Variants in ADGRD1 observed in about 807,000 individuals in gnomAD.
The protein encoded by ADGRD1 is adhesion G protein-coupled receptor D1.
ADGRD1 carries 77 observed loss-of-function variants against 113.4 expected under a neutral mutation model. That is an observed-to-expected ratio of 0.68 (90% CI 0.57 to 0.82). The LOEUF (loss-of-function observed/expected upper bound fraction) is 0.82. ADGRD1 is among the 40% of genes least tolerant of loss of function. The probability of loss-of-function intolerance (pLI) is 0.00; values close to 1 mark genes in which losing one functional copy is unlikely to be tolerated. For missense variants in ADGRD1, 1,036 were observed against 1,139.1 expected (o/e 0.91, Z 1.30); for synonymous variants, 474 against 475.0 (o/e 1.00, Z 0.03).
chr12:130,978,942 T>C (rs1023397502), intron 4 of ADGRD1: 2 of 152,140 alleles, frequency 1.3e-5, no homozygotes, highest in Non-Finnish European at 2.9e-5. Context: ...CTTGGGGGTT[T>C]GTCCTGGCTT....
intron 20 of ADGRD1, among the ~76,000 whole-genome samples, chr12:131,130,737 G>A (rs112521577): frequency 6.6e-6 from 1 of 150,696 alleles, no homozygotes; most frequent in Non-Finnish European, 1.5e-5. Context: ...GGAAGAGCGA[G>A]GCCGGCCCAT....
intron 20 of ADGRD1, among the ~76,000 whole-genome samples, chr12:131,131,132 G>A (rs975695437): frequency 6.6e-6 from 1 of 152,158 alleles, no homozygotes; most frequent in African/African-American, 2.4e-5. Context: ...AGGTTGTGCT[G>A]AAGCCTCTGC....
chr12:131,088,358 C>A lies in ADGRD1; in HGVS notation c.1671+3695C>A, dbSNP rs565455756. On this transcript the variant is annotated intron_variant, in intron 15 of 24. Coordinates refer to ENST00000261654, the MANE Select transcript of ADGRD1 (RefSeq NM_198827.5). ...CACAGAGACACAGCAAGTCAGTGCA[C>A]GCCACGTCCTGCCCCGTAAGGGCCA... Among the ~76,000 whole-genome samples, 4 of 152,340 alleles carry A rather than the reference C, an allele frequency of 2.6e-5. No homozygotes were observed. In the South Asian group the frequency reaches 8.3e-4, roughly 32 times the overall value.
Position 131,118,400 on chromosome 12 carries a change from T to G in ADGRD1, c.2057T>G (p.Ile686Ser). Reference protein sequence around the residue: ...YGMGWGFPLLICIISLSFAMD... With the variant: ...YGMGWGFPLLSCIISLSFAMD... ...TCTTCTGCAGGTTTTCCTCTTCTGA[T>G]CTGCATCATTTCACTGTCATTTGCC... Residue 686 changes from isoleucine to serine, a missense_variant, in exon 19 of 25, where the codon ATC becomes AGC. Ile to Ser is a moderately radical substitution (Grantham distance 142). Coordinates refer to ENST00000261654, the MANE Select transcript of ADGRD1 (RefSeq NM_198827.5). The G allele has an allele frequency of 6.2e-7, 1 of 1,611,852 alleles. No homozygotes were observed. The highest frequency in any genetic ancestry group is 1.1e-5 in the South Asian group (1 of 90,576).
At chr12:131,137,098 C>G (rs377420352) in intron 23 of ADGRD1, 84 bp downstream of exon 23, 2 of 1,100,996 alleles carry the variant, frequency 1.8e-6, no homozygotes, top group Admixed American at 1.7e-5. Flanking sequence ...ACAGCGCTGC[C>G]CTGTCAGGGT....
At chr12:131,080,899 C>T (rs1022691981) in intron 14 of ADGRD1, among the ~76,000 whole-genome samples, 6 of 152,180 alleles carry the variant, frequency 3.9e-5, no homozygotes, top group Non-Finnish European at 8.8e-5. Flanking sequence ...GGATTACAGG[C>T]GTGAGCCACT....
In ADGRD1 at chr12:131,113,542, G is replaced by A. The variant is rs1238791879; in HGVS notation, c.2041+4665G>A. On this transcript the variant is annotated intron_variant, in intron 18 of 24. Transcript: ENST00000261654. This position sits in a 1 kb window ranked among gnomAD's most constrained non-coding sequence, Gnocchi z 4.9. The stretch of plus-strand genomic sequence containing the variant: ...CACAGTCTTTGTTATGCAAGTAGCA[G>A]GTAAACAGGCTTACTTTGTGCTTTG... 6.6e-6 allele frequency among the ~76,000 whole-genome samples: 1 copy of A among 152,174 alleles called. No homozygotes were observed. Among genetic ancestry groups the A allele is most frequent in the Non-Finnish European group, 1.5e-5 (1 of 68,036 alleles).
chr12:131,132,035 G>A (rs1453247994), intron 21 of ADGRD1, among the ~76,000 whole-genome samples: 1 of 152,190 alleles, frequency 6.6e-6, no homozygotes, highest in Non-Finnish European at 1.5e-5. Flanking sequence ...GAGCTCCCAT[G>A]TGTAGAAGAA....
chr12:131,004,196 G>T lies in ADGRD1; in HGVS notation c.1155G>T (p.Val385=). The change falls in exon 11 of 25, where the codon GTG becomes GTT. Residue 385 remains valine (V), a synonymous_variant. Coordinates refer to ENST00000261654, the MANE Select transcript of ADGRD1 (RefSeq NM_198827.5). ...EGSSAMAEFS[V]AKILPKTVNS... ...CTCCTTCCACCGCAGAGTTTTCCGT[G>T]GCCAAAATCCTGCCCAAGACCGTGA... 6.2e-7 allele frequency: 1 copy of T among 1,613,128 alleles called. No homozygotes were observed. The highest frequency in any genetic ancestry group is 8.5e-7 in the Non-Finnish European group (1 of 1,179,202).
In ADGRD1 at chr12:130,954,266, T is replaced by A. The variant is rs974399532; in HGVS notation, c.-200T>A. The A allele has an allele frequency of 5.8e-6, 3 of 514,592 alleles. No individual in the cohort carries two copies. The highest frequency in any genetic ancestry group is 1.0e-5 in the Non-Finnish European group (3 of 294,924). The allele number at this position is 514,592 out of a possible 1,614,324, so 31.9% of individuals were successfully genotyped here. ...AACGTGTTTATTGATCACTGAAGAA[T>A]CTCAAGTTTTGAGACGAGGAAGAAA... On this transcript the variant is annotated 5_prime_UTR_variant, in exon 1 of 25. Transcript: ENST00000261654. This position sits in a 1 kb window ranked among gnomAD's most constrained non-coding sequence, Gnocchi z 4.7.
rs1228224933 is a variant in ADGRD1, at chr12:131,041,366, C to T, written c.1473+27026C>T. 1.3e-5 allele frequency among the ~76,000 whole-genome samples: 2 copies of T among 152,096 alleles called. No individual in the cohort carries two copies. The highest frequency in any genetic ancestry group is 2.9e-5 in the Non-Finnish European group (2 of 68,002). ...TGGGGAGAAGAAGAGCAGGTGTGGA[C>T]AGGGCAGAGGTCCGCCCTTTCCCTG... On this transcript the variant is annotated intron_variant, in intron 13 of 24. Transcript: ENST00000261654. This position sits in a 1 kb window ranked among gnomAD's most constrained non-coding sequence, Gnocchi z 4.4.
intron 6 of ADGRD1, chr12:130,990,474 A>G (rs1246206434): frequency 1.3e-5 from 2 of 152,614 alleles, no homozygotes; most frequent in East Asian, 1.9e-4. Flanking sequence ...GTTTGTAATA[A>G]TTCATCATTA....
At chr12:130,995,132 G>A (rs995012445) in intron 8 of ADGRD1, among the ~76,000 whole-genome samples, 15 of 152,222 alleles carry the variant, frequency 9.9e-5, no homozygotes, top group Non-Finnish European at 2.2e-4. Flanking sequence ...CAGGCTGGCA[G>A]GTCTGTGGGA....
chr12:131,118,578 A>T, intron 19 of ADGRD1, 127 bp downstream of exon 19: 2 of 634,816 alleles, frequency 3.2e-6, no homozygotes, highest in Non-Finnish European at 5.5e-6. Context: ...TGGCTCCCAC[A>T]GGCCCAGCCG....
chr12:131,130,766 G>A (rs368812055), intron 20 of ADGRD1, among the ~76,000 whole-genome samples: 12 of 149,876 alleles, frequency 8.0e-5, no homozygotes, highest in African/African-American at 2.5e-4. Flanking sequence ...GGGGGAGAGC[G>A]AAGCTGGCCA....
Position 130,954,748 on chromosome 12 carries a change from G to A in ADGRD1, c.103+88G>A. 2 of 1,308,530 alleles carry A rather than the reference G, an allele frequency of 1.5e-6. No individual in the cohort carries two copies. The highest frequency in any genetic ancestry group is 1.2e-5 in the South Asian group (1 of 83,880). 81.1% of individuals were successfully genotyped at this position (1,308,530 alleles called of 1,614,324 possible). ...GAACAGCCCACTTGTTCATCTCTGAGGCATCAGCGAATGGCCCTTGTTGGG... is the reference window on the plus strand; with the variant it reads ...GAACAGCCCACTTGTTCATCTCTGAAGCATCAGCGAATGGCCCTTGTTGGG... On this transcript the variant is annotated intron_variant, in intron 2 of 24. Coordinates refer to ENST00000261654, the MANE Select transcript of ADGRD1 (RefSeq NM_198827.5). This position sits in a 1 kb window ranked among gnomAD's most constrained non-coding sequence, Gnocchi z 4.7.
chr12:131,071,582 G>A (rs1410789437), intron 13 of ADGRD1, among the ~76,000 whole-genome samples: 1 of 152,214 alleles, frequency 6.6e-6, no homozygotes, highest in Non-Finnish European at 1.5e-5. Flanking sequence ...CTTTCCCAAG[G>A]ATGGAACCTC....
chr12:130,963,319 CAAAAAAAAAAAAAAAA>C (rs61220467), intron 2 of ADGRD1, among the ~76,000 whole-genome samples: 2 of 75,012 alleles, frequency 2.7e-5, no homozygotes, highest in South Asian at 1.1e-3. Flanking sequence ...GACTCCGTCT[CAAAAAAAAAAAAAAAA>C]AAAAAAAGAA....
At chr12:131,120,755 GAA>G in intron 19 of ADGRD1, 90 bp from the exon 20 acceptor site, 1 of 1,266,242 alleles carries the variant, frequency 7.9e-7, no homozygotes, top group Non-Finnish European at 1.2e-6. Flanking sequence ...CTGTAGCTGA[GAA>G]AGACATCACC....
Sources: gnomAD v4.1 joint callset for allele counts (sites outside exome capture counted in the v4.1 genomes callset) on GRCh38, gnomAD v4.1.1 for gene constraint, Gnocchi (gnomAD v3.1) non-coding constraint, MANE v1.5 for transcripts, NCBI Gene and HGNC (gene_info 2026-07-23, HGNC 2026-07-21) for gene names.